Variants in SOX6 observed in about 807,000 individuals in gnomAD.
SOX6 encodes the protein transcription factor SOX-6.
SOX6 carries 11 observed loss-of-function variants against 97.8 expected under a neutral mutation model. The ratio of observed to expected loss-of-function variants is 0.11; its 90% CI spans 0.07 to 0.19. SOX6 has a LOEUF of 0.19. SOX6 is among the 10% of genes least tolerant of loss of function. The pLI, the probability that SOX6 is intolerant of heterozygous loss-of-function variation, is 1.00. For missense variants in SOX6, 810 were observed against 1,039.5 expected, an observed-to-expected ratio of 0.78 and a Z score of 3.04; for synonymous variants, 360 against 371.4, an observed-to-expected ratio of 0.97 and a Z score of 0.35.
chr11:16,250,249 T>C (rs1019947227), intron 3 of SOX6, among the ~76,000 whole-genome samples: 10 of 150,074 alleles, frequency 6.7e-5, no homozygotes, highest in Admixed American at 4.7e-4. Flanking sequence ...TTGAGTGCCA[T>C]TAAATTTTAT....
chr11:16,473,710 C>T (rs1388560674), intron 1 of SOX6, among the ~76,000 whole-genome samples: 2 of 151,998 alleles, frequency 1.3e-5, no homozygotes, highest in African/African-American at 2.4e-5. Flanking sequence ...CACCACCACG[C>T]CTGGCTATTT....
intron 4 of SOX6, among the ~76,000 whole-genome samples, chr11:16,194,000 C>A (rs1455114): frequency 0.48 from 72,398 of 151,606 alleles, 17,465 homozygotes; most frequent in Middle Eastern, 0.65. Flanking sequence ...GTTTTGGATA[C>A]AGCCTTCTTT....
chr11:16,209,975 A>C (rs1852175980), intron 4 of SOX6, among the ~76,000 whole-genome samples: 1 of 152,112 alleles, frequency 6.6e-6, no homozygotes, highest in Non-Finnish European at 1.5e-5. Flanking sequence ...ATTGCTATAA[A>C]TGTGTTTTCA....
intron 4 of SOX6, among the ~76,000 whole-genome samples, chr11:16,506,834 C>T (rs564070589): frequency 1.8e-4 from 27 of 152,172 alleles, no homozygotes; most frequent in Non-Finnish European, 3.1e-4. Context: ...GAGGCCAAGG[C>T]GGGCAGATCA....
At position 16,413,512 on chromosome 11, in the gene SOX6, CTTTTTT is replaced by C. The variant is rs752774148; in HGVS notation, c.-5+62797_-5+62802del. Among the ~76,000 whole-genome samples the C allele has an allele frequency of 2.0e-4, 15 of 76,226 alleles. No homozygotes were observed. The East Asian group carries it at 5.6e-3, about 29-fold the overall frequency. 50.0% of individuals were successfully genotyped at this position (76,226 alleles called of 152,430 possible). ...TAATTTGTATCTGAAAAGACTTCTA[CTTTTTT>C]TTTTTTTTTTTTTTTTTTTTAGATG... is the stretch of plus-strand genomic sequence containing the variant. On this transcript the variant is annotated intron_variant, in intron 1 of 15. Coordinates refer to the SOX6 transcript ENST00000396356.
At chr11:16,652,444 C>A in intron 3 of SOX6, among the ~76,000 whole-genome samples, 1 of 152,026 alleles carries the variant, frequency 6.6e-6, no homozygotes, top group East Asian at 1.9e-4. Flanking sequence ...ATAGAGAACC[C>A]AGAAATAAAG....
At chr11:16,189,643 A>G (rs1851577413) in intron 4 of SOX6, among the ~76,000 whole-genome samples, 1 of 152,128 alleles carries the variant, frequency 6.6e-6, no homozygotes, top group South Asian at 2.1e-4. Flanking sequence ...TCACTAAAGT[A>G]TTTTACGAAA....
chr11:16,314,383 G>A (rs938933992), intron 3 of SOX6: 2 of 151,790 alleles, frequency 1.3e-5, no homozygotes, highest in Admixed American at 6.6e-5. Flanking sequence ...GGCTTCCAAG[G>A]CAGAAGTAAT....
intron 15 of SOX6, 83 bp from the exon 16 acceptor site, chr11:15,973,195 C>T (rs1406484354): frequency 8.8e-6 from 12 of 1,359,164 alleles, no homozygotes; most frequent in Non-Finnish European, 1.2e-5. Flanking sequence ...TCACACCCTA[C>T]ACTTTCAAAA....
chr11:16,656,754 T>C (rs1847721448), intron 3 of SOX6, among the ~76,000 whole-genome samples: 1 of 152,186 alleles, frequency 6.6e-6, no homozygotes. Flanking sequence ...CTATGTATTG[T>C]TACAAAACTA....
chr11:16,643,550 G>A (rs990167192), intron 3 of SOX6, among the ~76,000 whole-genome samples: 2 of 152,210 alleles, frequency 1.3e-5, no homozygotes, highest in African/African-American at 4.8e-5. Context: ...CTTGACCTGT[G>A]GTGGGTTCCA....
chr11:16,157,874 A>T (rs1217571544), intron 6 of SOX6, among the ~76,000 whole-genome samples: 1 of 151,960 alleles, frequency 6.6e-6, no homozygotes, highest in Non-Finnish European at 1.5e-5. Flanking sequence ...CCTACTTCAA[A>T]ATTCAGATTC....
chr11:16,201,489 CA>C (rs1851935968), intron 4 of SOX6, among the ~76,000 whole-genome samples: 1 of 150,308 alleles, frequency 6.7e-6, no homozygotes, highest in South Asian at 2.1e-4. Context: ...TCATAATAAA[CA>C]AATATATAAA....
intron 1 of SOX6, among the ~76,000 whole-genome samples, chr11:16,399,465 A>T (rs538768951): frequency 2.4e-4 from 37 of 151,422 alleles, no homozygotes; most frequent in African/African-American, 8.9e-4. Context: ...AACTCAAGTG[A>T]TCCTCTCACC....
At chr11:16,536,450 G>C (rs2133173394) in intron 4 of SOX6, among the ~76,000 whole-genome samples, 1 of 152,324 alleles carries the variant, frequency 6.6e-6, no homozygotes, top group Admixed American at 6.5e-5. Context: ...ACTGGGACTG[G>C]TTGGACAGTG....
chr11:16,190,616 G>C (rs555411214), intron 4 of SOX6, among the ~76,000 whole-genome samples: 9 of 152,220 alleles, frequency 5.9e-5, no homozygotes, highest in Admixed American at 4.6e-4. Context: ...TATATATTTT[G>C]AATAGTGGCA....
intron 9 of SOX6, among the ~76,000 whole-genome samples, chr11:16,060,501 C>A (rs1278615666): frequency 6.6e-6 from 1 of 151,814 alleles, no homozygotes; most frequent in African/African-American, 2.4e-5. Context: ...AAATTGAGTC[C>A]AGTGAAAAGA....
intron 6 of SOX6, among the ~76,000 whole-genome samples, chr11:16,135,813 C>T (rs1289818662): frequency 2.0e-5 from 3 of 152,154 alleles, no homozygotes; most frequent in Non-Finnish European, 2.9e-5. Flanking sequence ...GAAAGATGTT[C>T]TACTGTGGGT....
Position 16,279,326 on chromosome 11 carries a change from C to T in SOX6, c.445+39120G>A, listed in dbSNP as rs570967462. Among the ~76,000 whole-genome samples the T allele has an allele frequency of 1.3e-4, 20 of 152,188 alleles. No homozygotes were observed. In the South Asian group the frequency reaches 3.7e-3, roughly 28 times the overall value. ...ATCATATCAAGACTTTATATGACCT[C>T]ATTTTAACCTATACAAGGCAAAATC... On this transcript the variant is annotated intron_variant, in intron 3 of 15. Coordinates refer to ENST00000683767, the MANE Select transcript of SOX6 (RefSeq NM_001367873.1).
Sources: gnomAD v4.1 joint callset for allele counts (sites outside exome capture counted in the v4.1 genomes callset) on GRCh38, gnomAD v4.1.1 for gene constraint, MANE v1.5 for transcripts, NCBI Gene and HGNC (gene_info 2026-07-23, HGNC 2026-07-21) for gene names.